TASL: variants seen among roughly 807,000 people sequenced by gnomAD.
TASL encodes the protein TLR adaptor interacting with endolysosomal SLC15A4, also known as TLR adapter interacting with SLC15A4 on the lysosome.
TASL carries 6 observed loss-of-function variants against 12.9 expected under a neutral mutation model. The ratio of observed to expected loss-of-function variants is 0.46; its 90% CI spans 0.25 to 0.92. The LOEUF is 0.92. Among genes scored for constraint, TASL ranks in the 40% least tolerant of loss-of-function variants. The probability of loss-of-function intolerance (pLI) is 0.17; values close to 1 mark genes in which losing one functional copy is unlikely to be tolerated. For synonymous variants in TASL, 85 were observed against 79.3 expected (o/e 1.07, Z -0.38); for missense variants, 165 against 212.8 (o/e 0.78, Z 1.40).
chrX:30,571,274 G>GAAAGAAAGAAAAAGAAAGAAAGAA (rs1555998461), intron 2 of TASL, among the ~76,000 whole-genome samples: 1 of 59,947 alleles, frequency 1.7e-5, no homozygotes, highest in African/African-American at 5.5e-5. Flanking sequence ...AAGAAAGAAA[G>GAAAGAAAGAAAAAGAAAGAAAGAA]AAAGAAAGAA....
At chrX:30,572,581 T>G (rs954553008) in intron 2 of TASL, among the ~76,000 whole-genome samples, 2 of 112,201 alleles carry the variant, frequency 1.8e-5, no homozygotes, top group Admixed American at 1.9e-4. Context: ...TCCTTCTATA[T>G]AACTGTAATT....
chrX:30,570,845 G>A (rs904623052), intron 2 of TASL, among the ~76,000 whole-genome samples: 2 of 110,876 alleles, frequency 1.8e-5, no homozygotes, highest in African/African-American at 3.3e-5. Context: ...CCTAGTTTAG[G>A]CCCTTTGCTT....
At chrX:30,571,258 G>GAAAGAAAGAAAGAAAGAAAGAA (rs1930597440) in intron 2 of TASL, among the ~76,000 whole-genome samples, 1 of 11,888 alleles carries the variant, frequency 8.4e-5, no homozygotes, top group Non-Finnish European at 1.6e-4. Flanking sequence ...GAAAGAAAGA[G>GAAAGAAAGAAAGAAAGAAAGAA]AAAGAAAGAA....
chrX:30,559,565 G>A lies in TASL; in HGVS notation c.791C>T (p.Thr264Ile). Reference protein sequence around the residue: ...LQVSREKNLETSKARDIVFSR... With the variant: ...LQVSREKNLEISKARDIVFSR... ...AAAGACTATATCTCTGGCTTTTGAGGTCTCCAGATTCTTCTCTCTAGACAC... is the reference window on the plus strand; with the variant it reads ...AAAGACTATATCTCTGGCTTTTGAGATCTCCAGATTCTTCTCTCTAGACAC... Residue 264 changes from threonine to isoleucine, a missense_variant, in exon 3 of 3, where the codon ACC becomes ATC. Coordinates refer to ENST00000378962, the MANE Select transcript of TASL (RefSeq NM_025159.3). 2 of 1,209,281 alleles carry A rather than the reference G, an allele frequency of 1.7e-6. No individual in the cohort carries two copies. The highest frequency in any genetic ancestry group is 2.2e-6 in the Non-Finnish European group (2 of 893,533).
chrX:30,564,356 C>T (rs181495761), intron 2 of TASL, among the ~76,000 whole-genome samples: 74 of 110,404 alleles, frequency 6.7e-4, no homozygotes, highest in African/African-American at 2.3e-3. Flanking sequence ...AGGAGAAATT[C>T]AAAGACACAA....
chrX:30,572,968 G>A (rs1000543521), intron 2 of TASL, among the ~76,000 whole-genome samples: 7 of 112,169 alleles, frequency 6.2e-5, no homozygotes, highest in Admixed American at 5.7e-4. Context: ...AATGGGATAC[G>A]CATCATAATA....
intron 2 of TASL, among the ~76,000 whole-genome samples, chrX:30,567,588 T>C (rs1930517341): frequency 9.0e-6 from 1 of 111,608 alleles, no homozygotes; most frequent in Non-Finnish European, 1.9e-5. Flanking sequence ...GGCATTTGCC[T>C]GTGAGTCCAG....
At chrX:30,564,952 G>T (rs186266873) in intron 2 of TASL, among the ~76,000 whole-genome samples, 118 of 111,662 alleles carry the variant, frequency 1.1e-3, no homozygotes, top group African/African-American at 3.7e-3. Flanking sequence ...AACATGATGG[G>T]AGGCCACCCA....
chrX:30,566,971 C>T (rs1043417736), intron 2 of TASL, among the ~76,000 whole-genome samples: 2 of 111,683 alleles, frequency 1.8e-5, no homozygotes, highest in African/African-American at 6.5e-5. Context: ...ATTATAATCT[C>T]CAATTGATAA....
chrX:30,576,237 T>C (rs750726380), intron 2 of TASL, among the ~76,000 whole-genome samples: 23 of 111,897 alleles, frequency 2.1e-4, no homozygotes, highest in African/African-American at 7.4e-4. Flanking sequence ...TCCGTGGTGT[T>C]GTAATGTGTT....
At chrX:30,565,341 A>G (rs1401082414) in intron 2 of TASL, among the ~76,000 whole-genome samples, 3 of 112,355 alleles carry the variant, frequency 2.7e-5, no homozygotes, top group African/African-American at 9.7e-5. Context: ...CATATGTAAC[A>G]GGCTTAAAAG....
chrX:30,569,428 C>T (rs1031932471), intron 2 of TASL, among the ~76,000 whole-genome samples: 1 of 111,459 alleles, frequency 9.0e-6, no homozygotes, highest in Non-Finnish European at 1.9e-5. Flanking sequence ...ATGGGTTTAG[C>T]TTAGCTCTTC....
At chrX:30,565,668 A>G (rs915111220) in intron 2 of TASL, among the ~76,000 whole-genome samples, 4 of 112,090 alleles carry the variant, frequency 3.6e-5, no homozygotes, top group Non-Finnish European at 7.5e-5. Context: ...TTGTCACATG[A>G]CTACTCTATG....
intron 2 of TASL, among the ~76,000 whole-genome samples, chrX:30,565,848 GT>G (rs1277516043): frequency 9.1e-6 from 1 of 110,005 alleles, no homozygotes; most frequent in African/African-American, 3.3e-5. Flanking sequence ...TCGGCTCACT[GT>G]AACCTCCACC....
At chrX:30,571,280 A>AAG (rs747178131) in intron 2 of TASL, among the ~76,000 whole-genome samples, 1 of 79,994 alleles carries the variant, frequency 1.3e-5, no homozygotes, top group East Asian at 3.8e-4. Context: ...GAAAGAAAGA[A>AAG]AGAAAGAAAG....
chrX:30,565,878 C>G (rs1304861804), intron 2 of TASL, among the ~76,000 whole-genome samples: 6 of 109,998 alleles, frequency 5.5e-5, no homozygotes, highest in African/African-American at 2.0e-4. Context: ...TCAAGTGATT[C>G]TTGTGCCTCA....
At chrX:30,562,214 C>G (rs148379707) in intron 2 of TASL, among the ~76,000 whole-genome samples, 3,181 of 111,967 alleles carry the variant, frequency 0.028, 50 homozygotes, top group African/African-American at 0.053. Flanking sequence ...GCTTTTACAC[C>G]TCAGAATCCA....
intron 2 of TASL, among the ~76,000 whole-genome samples, chrX:30,564,535 G>C (rs1930471660): frequency 9.0e-6 from 1 of 111,623 alleles, no homozygotes; most frequent in Admixed American, 9.5e-5. Context: ...CCAAGAACCA[G>C]AATCTTCAGA....
At chrX:30,577,328 T>C (rs1224916835) in intron 1 of TASL, among the ~76,000 whole-genome samples, 2 of 112,228 alleles carry the variant, frequency 1.8e-5, no homozygotes, top group African/African-American at 6.5e-5. Flanking sequence ...ACTGCAAAAA[T>C]AACACAATAA....
Sources: gnomAD v4.1 joint callset for allele counts (sites outside exome capture counted in the v4.1 genomes callset) on GRCh38, gnomAD v4.1.1 for gene constraint, MANE v1.5 for transcripts, NCBI Gene and HGNC (gene_info 2026-07-23, HGNC 2026-07-21) for gene names.